The following LPXN variants were observed in gnomAD, a reference collection of about 807,000 sequenced individuals.
LPXN encodes the protein leupaxin.
Under a neutral mutation model 45.6 loss-of-function variants are expected in LPXN, and 28 were observed. The observed-to-expected ratio is 0.61, with a 90% confidence interval of 0.45 to 0.84. The LOEUF (loss-of-function observed/expected upper bound fraction) is 0.84. LPXN is among the 40% of genes least tolerant of loss of function. The pLI is 0.00. For synonymous variants in LPXN, 166 were observed against 169.9 expected, an observed-to-expected ratio of 0.98 and a Z score of 0.18; for missense variants, 459 against 475.0, an observed-to-expected ratio of 0.97 and a Z score of 0.31.
chr11:58,569,547 C>A (rs1242023460), intron 2 of LPXN, among the ~76,000 whole-genome samples: 1 of 151,976 alleles, frequency 6.6e-6, no homozygotes, highest in Non-Finnish European at 1.5e-5. Context: ...CACCACCACA[C>A]CCTGCTCATT....
chr11:58,557,776 T>C (rs926913868), intron 3 of LPXN, among the ~76,000 whole-genome samples: 1 of 152,226 alleles, frequency 6.6e-6, no homozygotes, highest in African/African-American at 2.4e-5. Context: ...TGCCTCACTA[T>C]AGTAACCATT....
chr11:58,539,017 C>G (rs951491291), intron 7 of LPXN, among the ~76,000 whole-genome samples: 2 of 138,254 alleles, frequency 1.4e-5, no homozygotes, highest in African/African-American at 5.4e-5. Context: ...ACAACAATGA[C>G]AGATTCTATC....
chr11:58,575,618 G>A, intron 1 of LPXN, 142 bp downstream of exon 1: 1 of 968,326 alleles, frequency 1.0e-6, no homozygotes, highest in Non-Finnish European at 1.7e-6. Flanking sequence ...CTTCACTCTT[G>A]GCAGGGCTGA....
intron 7 of LPXN, among the ~76,000 whole-genome samples, chr11:58,529,193 G>A (rs559191032): frequency 2.0e-4 from 30 of 152,140 alleles, no homozygotes; most frequent in Admixed American, 3.9e-4. Context: ...ATATCTGAAT[G>A]ACTTACACAT....
chr11:58,554,111 A>C (rs998756672), intron 4 of LPXN: 3 of 152,368 alleles, frequency 2.0e-5, no homozygotes, highest in Non-Finnish European at 2.9e-5. Flanking sequence ...GGAGTTCGAG[A>C]CCAGCCTGGC....
upstream of LPXN, among the ~76,000 whole-genome samples, chr11:58,576,162 A>G (rs190402056): frequency 2.6e-5 from 4 of 151,458 alleles, no homozygotes; most frequent in South Asian, 4.2e-4. Flanking sequence ...CCCCACTCTG[A>G]GCATCTTTCT....
intron 8 of LPXN, 28 bp downstream of exon 8, chr11:58,528,015 A>C (rs760554442): frequency 6.2e-7 from 1 of 1,600,796 alleles, no homozygotes; most frequent in South Asian, 1.1e-5. Context: ...ACTTTCCCTA[A>C]GTCCGAAAGA....
chr11:58,577,472 CTTCT>C (rs148991639), upstream of LPXN, among the ~76,000 whole-genome samples: 2,251 of 152,276 alleles, frequency 0.015, 50 homozygotes, highest in African/African-American at 0.051. Context: ...TTGTTTCCAG[CTTCT>C]TTCTTTTGGG....
intron 7 of LPXN, among the ~76,000 whole-genome samples, chr11:58,530,550 A>C (rs1853356331): frequency 6.6e-6 from 1 of 152,220 alleles, no homozygotes; most frequent in Non-Finnish European, 1.5e-5. Flanking sequence ...CAGCAGCTCC[A>C]GTCAGGGGCT....
intron 1 of LPXN, among the ~76,000 whole-genome samples, chr11:58,571,028 C>T (rs1035011042): frequency 3.3e-5 from 5 of 152,068 alleles, no homozygotes; most frequent in Admixed American, 3.3e-4. Flanking sequence ...AGATTCCCCA[C>T]AAATATCCTT....
chr11:58,557,904 T>A (rs1351078305), intron 3 of LPXN, among the ~76,000 whole-genome samples: 3 of 152,200 alleles, frequency 2.0e-5, no homozygotes, highest in Non-Finnish European at 4.4e-5. Context: ...CAGTTTCCCC[T>A]AAACTGTAAA....
chr11:58,559,770 G>A (rs1283351523), intron 3 of LPXN, among the ~76,000 whole-genome samples: 1 of 152,114 alleles, frequency 6.6e-6, no homozygotes, highest in Non-Finnish European at 1.5e-5. Flanking sequence ...CAGCTACTTG[G>A]GAGGCTGAGA....
intron 2 of LPXN, among the ~76,000 whole-genome samples, chr11:58,569,676 C>T (rs2134350584): frequency 6.6e-6 from 1 of 152,310 alleles, no homozygotes; most frequent in East Asian, 1.9e-4. Context: ...AGGCCTGAGC[C>T]ACTGCACCTG....
intron 7 of LPXN, among the ~76,000 whole-genome samples, chr11:58,532,880 CTT>C (rs939616810): frequency 1.3e-5 from 2 of 152,224 alleles, no homozygotes; most frequent in Non-Finnish European, 2.9e-5. Flanking sequence ...GCTGCTCACT[CTT>C]TGGGTCCGCA....
intron 7 of LPXN, among the ~76,000 whole-genome samples, chr11:58,549,119 G>A (rs1395886557): frequency 6.6e-6 from 1 of 152,248 alleles, no homozygotes; most frequent in African/African-American, 2.4e-5. Flanking sequence ...AAGCAGGCCA[G>A]GCGCAGTAGT....
chr11:58,549,871 G>T lies in LPXN; in HGVS notation c.661-4C>A. ...GGTTCATTGCTGTCAGCACTTTCTG[G>T]AAAGGGAACACACAGATATTATAAT... On this transcript the variant is annotated splice_region_variant and splice_polypyrimidine_tract_variant and intron_variant, in intron 6 of 8. Transcript: ENST00000395074. 6.2e-7 allele frequency: 1 copy of T among 1,614,114 alleles called. No homozygotes were observed. The highest frequency in any genetic ancestry group is 8.5e-7 in the Non-Finnish European group (1 of 1,179,988).
At chr11:58,572,298 T>A (rs957295499) in intron 1 of LPXN, among the ~76,000 whole-genome samples, 6 of 152,194 alleles carry the variant, frequency 3.9e-5, no homozygotes, top group East Asian at 3.9e-4. Context: ...CTTTTTTTTT[T>A]AACAAATGAA....
chr11:58,575,140 A>C (rs1368772911), intron 1 of LPXN, among the ~76,000 whole-genome samples: 3 of 152,194 alleles, frequency 2.0e-5, no homozygotes, highest in Non-Finnish European at 4.4e-5. Flanking sequence ...ATTGTCTTAG[A>C]GTGGAAGGAG....
chr11:58,547,700 TAA>T (rs1853916927), intron 7 of LPXN, among the ~76,000 whole-genome samples: 1 of 152,216 alleles, frequency 6.6e-6, no homozygotes, highest in African/African-American at 2.4e-5. Flanking sequence ...CTGTCACTTT[TAA>T]AGTGCTGGAA....
Sources: gnomAD v4.1 joint callset for allele counts (sites outside exome capture counted in the v4.1 genomes callset) on GRCh38, gnomAD v4.1.1 for gene constraint, MANE v1.5 for transcripts, NCBI Gene and HGNC (gene_info 2026-07-23, HGNC 2026-07-21) for gene names.